STAB1: variants seen among roughly 807,000 people sequenced by gnomAD.
The protein encoded by STAB1 is stabilin 1.
A neutral mutation model predicts 332.4 loss-of-function variants in STAB1; 250 were observed. The observed-to-expected ratio is 0.75, with a 90% CI of 0.68 to 0.84. The LOEUF is 0.84. Among genes scored for constraint, STAB1 ranks in the 40% least tolerant of loss-of-function variants. The pLI is 0.00. For synonymous variants in STAB1, 1,475 were observed against 1,390.4 expected (o/e 1.06, Z -1.35); for missense variants, 3,249 against 3,489.7 (o/e 0.93, Z 1.74).
intron 2 of STAB1, 78 bp from the exon 3 acceptor site, chr3:52,501,560 G>A (rs368336748): frequency 3.6e-6 from 5 of 1,372,244 alleles, no homozygotes; most frequent in East Asian, 2.5e-5. Flanking sequence ...TGGGAGCCCC[G>A]GAAGCCAATG....
Position 52,519,414 on chromosome 3 carries a change from G to GCTTC in STAB1, c.5175+11_5175+12insTTCC. ...TGCTCCCATCCCGAGGGTATGACAA[G>GCTTC]CACGGGCCTGGGAGCTGGAAGACAG... On this transcript the variant is annotated intron_variant, in intron 49 of 68. Transcript: ENST00000321725. 1.2e-6 allele frequency: 2 copies of GCTTC among 1,612,868 alleles called. No homozygotes were observed. The highest frequency in any genetic ancestry group is 1.7e-6 in the Non-Finnish European group (2 of 1,179,798).
Position 52,523,463 on chromosome 3 carries a change from AACGCCACCCTCCT to A in STAB1, c.7179_7191del (p.Asn2393LysfsTer203). The A allele has an allele frequency of 6.2e-7, 1 of 1,610,628 alleles. No homozygotes were observed. The highest frequency in any genetic ancestry group is 8.5e-7 in the Non-Finnish European group (1 of 1,178,234). On this transcript the variant is annotated frameshift_variant, in exon 65 of 69. Coordinates refer to ENST00000321725, the MANE Select transcript of STAB1 (RefSeq NM_015136.3). LOFTEE classifies it high-confidence loss of function. ...CCCAGACTTGGAGCTGCATGCCTCC[AACGCCACCCTCCT>A]AAGTGCCAACGCCAGCCAGGGGAAG...
intron 5 of STAB1, 80 bp downstream of exon 5, chr3:52,502,308 C>G: frequency 6.8e-7 from 1 of 1,463,184 alleles, no homozygotes; most frequent in Non-Finnish European, 9.3e-7. Context: ...AACCAGCTCC[C>G]ACCTGTCCCT....
intron 36 of STAB1, 46 bp downstream of exon 36, chr3:52,515,091 C>T (rs746351169): frequency 1.9e-6 from 3 of 1,602,964 alleles, no homozygotes; most frequent in East Asian, 2.2e-5. Flanking sequence ...TGCCTGCCCT[C>T]ACTTCTTCCA....
At chr3:52,519,918 G>T in intron 50 of STAB1, 26 bp from the exon 51 acceptor site, 1 of 1,549,172 alleles carries the variant, frequency 6.5e-7, no homozygotes, top group Non-Finnish European at 8.7e-7. Context: ...GGCAGCGACT[G>T]CCACATCTTT....
chr3:52,503,746 TC>T, intron 8 of STAB1, 25 bp from the exon 9 acceptor site: 1 of 1,612,150 alleles, frequency 6.2e-7, no homozygotes. Context: ...GACGTGGTGT[TC>T]CCCTCCTGCC....
intron 50 of STAB1, 84 bp from the exon 51 acceptor site, chr3:52,519,860 C>T (rs2079014321): frequency 3.4e-6 from 5 of 1,463,378 alleles, no homozygotes; most frequent in African/African-American, 1.4e-5. Context: ...GGAGCCCCTT[C>T]CTGCTCTGTG....
At chr3:52,508,050 C>T in intron 20 of STAB1, 24 bp downstream of exon 20, 1 of 1,606,360 alleles carries the variant, frequency 6.2e-7, no homozygotes, top group Non-Finnish European at 8.5e-7. Context: ...TGGGTGCCCA[C>T]TCCCAGGTCA....
At position 52,519,969 on chromosome 3, in the gene STAB1, G is replaced by T. The variant is rs201686549; in HGVS notation, c.5261G>T (p.Arg1754Leu). The change falls in exon 51 of 69, where the codon CGA becomes CTA. Residue 1754 changes from arginine (R) to leucine (L), a missense_variant. Arg to Leu is a moderately radical substitution (Grantham distance 102). Coordinates refer to ENST00000321725, the MANE Select transcript of STAB1 (RefSeq NM_015136.3). ...LKVAGLLPLL[R>L]EASHRPFTML... is the part of the protein sequence containing the mutation. ...GTGGCCGGCCTCCTGCCCCTGCTTC[G>T]AGAGGCATCCCATAGGCCCTTCACA... The T allele has an allele frequency of 4.3e-5, 69 of 1,592,048 alleles. No homozygotes were observed. Among genetic ancestry groups the T allele is most frequent in the Admixed American group, 2.3e-4 (13 of 57,250 alleles).
At chr3:52,523,405 A>G in intron 64 of STAB1, 22 bp from the exon 65 acceptor site, 1 of 1,609,804 alleles carries the variant, frequency 6.2e-7, no homozygotes, top group Non-Finnish European at 8.5e-7. Flanking sequence ...GCCCAGGCCA[A>G]CAGGCCTTGC....
intron 20 of STAB1, 100 bp downstream of exon 20, chr3:52,508,126 A>C: frequency 7.3e-7 from 1 of 1,369,478 alleles, no homozygotes; most frequent in Non-Finnish European, 1.0e-6. Context: ...CCCTCAGAGG[A>C]TGCACTGCAG....
intron 8 of STAB1, 103 bp from the exon 9 acceptor site, chr3:52,503,669 G>A (rs1708620746): frequency 1.3e-6 from 2 of 1,565,438 alleles, no homozygotes; most frequent in African/African-American, 1.4e-5. Flanking sequence ...GAGGATAAGG[G>A]TCCTCTTCAG....
Position 52,518,825 on chromosome 3 carries a change from G to T in STAB1, c.4990G>T (p.Ala1664Ser), listed in dbSNP as rs370496951. 2 of 1,609,498 alleles carry T rather than the reference G, an allele frequency of 1.2e-6. No individual in the cohort carries two copies. Among genetic ancestry groups the T allele is most frequent in the East Asian group, 2.2e-5 (1 of 44,828 alleles). Residue 1664 changes from alanine to serine, a missense_variant, in exon 48 of 69, where the codon GCC becomes TCC. Coordinates refer to ENST00000321725, the MANE Select transcript of STAB1 (RefSeq NM_015136.3). ...CGAGGACCTGCTGGAGCAGGGGTACGCCACGGCCCTCTCAGGGCACCCACT... is the reference window on the plus strand; with the variant it reads ...CGAGGACCTGCTGGAGCAGGGGTACTCCACGGCCCTCTCAGGGCACCCACT... Reference protein sequence around the residue: ...RSEDLLEQGYATALSGHPLRF... With the variant: ...RSEDLLEQGYSTALSGHPLRF...
At position 52,518,445 on chromosome 3, in the gene STAB1, T is replaced by C. The variant is rs1005084590; in HGVS notation, c.4809+86T>C. 4.5e-6 allele frequency: 7 copies of C among 1,570,388 alleles called. No homozygotes were observed. The African/African-American group carries it at 8.1e-5, about 18-fold the overall frequency. On this transcript the variant is annotated intron_variant, in intron 46 of 68. Coordinates refer to ENST00000321725, the MANE Select transcript of STAB1 (RefSeq NM_015136.3). Reference sequence around the variant, plus strand: ...CCCATCTGGTCAGGGGGTTGGCTGGTTTGTTCTCTCTGAGTCCAGGTCTTC... The same window carrying C: ...CCCATCTGGTCAGGGGGTTGGCTGGCTTGTTCTCTCTGAGTCCAGGTCTTC...
rs948129007 is a variant in STAB1 at position 52,514,389 on chromosome 3, G to A, written c.3571G>A (p.Val1191Met). The A allele has an allele frequency of 1.3e-6, 2 of 1,550,132 alleles. No individual in the cohort carries two copies. The highest frequency in any genetic ancestry group is 1.9e-5 in the Admixed American group (1 of 52,664). Residue 1191 changes from valine to methionine, a missense_variant, in exon 34 of 69, where the codon GTG (valine) becomes ATG (methionine). Transcript: ENST00000321725. ...HLDADTVRHH[V>M]VLGEALSMET... is the part of the protein sequence containing the mutation. ...GGACGCAGACACAGTGCGGCACCAT[G>A]TGGTCCTGGGGGAGGCCCTCTCCAT... is the stretch of plus-strand genomic sequence containing the variant.
At chr3:52,521,248 GCAGTGGGCGGACATAGGT>G in intron 55 of STAB1, 95 bp from the exon 56 acceptor site, 2 of 1,455,224 alleles carry the variant, frequency 1.4e-6, no homozygotes, top group South Asian at 2.5e-5. Flanking sequence ...AGGGATCTTA[GCAGTGGGCGGACATAGGT>G]CAGGGACAGA....
intron 41 of STAB1, 25 bp from the exon 42 acceptor site, chr3:52,516,959 G>T (rs763272357): frequency 1.2e-6 from 2 of 1,609,998 alleles, no homozygotes; most frequent in African/African-American, 2.7e-5. Context: ...CTGCTCCTGA[G>T]GACTCTCTGG....
intron 9 of STAB1, 36 bp from the exon 10 acceptor site, chr3:52,503,992 A>G: frequency 6.2e-7 from 1 of 1,609,618 alleles, no homozygotes; most frequent in Non-Finnish European, 8.5e-7. Context: ...GGGGGGCCTC[A>G]GCCTCCGCCC....
At position 52,512,825 on chromosome 3, in the gene STAB1, C is replaced by T. The variant is rs765631039; in HGVS notation, c.3028-3C>T. ...CCCGCCCCTGCTCCCTGTGTGCGTGCAGAGTGCCGGCATCACGCTTCCTGC... is the reference window on the plus strand; with the variant it reads ...CCCGCCCCTGCTCCCTGTGTGCGTGTAGAGTGCCGGCATCACGCTTCCTGC... On this transcript the variant is annotated splice_region_variant and splice_polypyrimidine_tract_variant and intron_variant, in intron 28 of 68. Transcript: ENST00000321725. 1.2e-6 allele frequency: 2 copies of T among 1,608,462 alleles called. No individual in the cohort carries two copies. The highest frequency in any genetic ancestry group is 1.1e-5 in the South Asian group (1 of 91,002).
Sources: allele counts gnomAD v4.1 joint callset, GRCh38; gene constraint gnomAD v4.1.1; transcripts MANE v1.5; gene names NCBI Gene and HGNC (gene_info 2026-07-23, HGNC 2026-07-21).